The following CELF4 variants were observed in gnomAD, a reference collection of about 807,000 sequenced individuals.
CELF4 encodes the protein CUGBP Elav-like family member 4.
In CELF4, 18 loss-of-function variants were observed where a neutral mutation model predicts 59.9. That is an observed-to-expected ratio of 0.30 (90% confidence interval 0.21 to 0.45). The LOEUF (loss-of-function observed/expected upper bound fraction) is 0.45. CELF4 is among the 20% of genes least tolerant of loss of function. The pLI is 1.00. For synonymous variants in CELF4, 261 were observed against 267.1 expected (o/e 0.98, Z 0.22); for missense variants, 456 against 689.0 (o/e 0.66, Z 3.79).
chr18:37,388,284 G>C (rs891944534), intron 2 of CELF4, among the ~76,000 whole-genome samples: 2 of 152,118 alleles, frequency 1.3e-5, no homozygotes, highest in Admixed American at 1.3e-4. Context: ...GATGGGGTAG[G>C]GAATACTGTC....
chr18:37,546,269 A>G, intron 1 of CELF4, among the ~76,000 whole-genome samples: 1 of 152,148 alleles, frequency 6.6e-6, no homozygotes, highest in Non-Finnish European at 1.5e-5. Context: ...ACACGTCCGC[A>G]CATCTCCTCA....
At chr18:37,308,879 T>G (rs4799443) in intron 3 of CELF4, among the ~76,000 whole-genome samples, 68,971 of 151,996 alleles carry the variant, frequency 0.45, 15,872 homozygotes, top group South Asian at 0.57. Context: ...TGGGCATACA[T>G]GGAGTTTCTC....
At chr18:37,444,854 T>C (rs2154601341) in intron 2 of CELF4, among the ~76,000 whole-genome samples, 1 of 152,140 alleles carries the variant, frequency 6.6e-6, no homozygotes, top group Middle Eastern at 3.4e-3. Flanking sequence ...CTAGGTATGG[T>C]CACCAAAAGA....
intron 2 of CELF4, among the ~76,000 whole-genome samples, chr18:37,469,169 T>C (rs545288162): frequency 1.3e-5 from 2 of 152,104 alleles, no homozygotes; most frequent in East Asian, 1.9e-4. Context: ...ATTGGCTCCT[T>C]TGGAGTCTGG....
rs189225336 is a variant in CELF4, at chr18:37,382,575, T to G, written c.370-60694A>C. Among the ~76,000 whole-genome samples, 612 of 152,302 alleles carry G rather than the reference T, an allele frequency of 4.0e-3. 5 individuals are homozygous for G. The highest frequency in any genetic ancestry group is 0.014 in the African/African-American group (580 of 41,560). ...CTTTCACCAGGCAAAGGTGGTGAAT[T>G]CACACATGGGTGCATGTGTACACAC... On this transcript the variant is annotated intron_variant, in intron 2 of 12. Transcript: ENST00000420428.
intron 12 of CELF4, among the ~76,000 whole-genome samples, chr18:37,251,399 C>A (rs911324201): frequency 6.6e-6 from 1 of 152,178 alleles, no homozygotes; most frequent in African/African-American, 2.4e-5. Flanking sequence ...ATATCCCAAA[C>A]AATAAACCTG....
At chr18:37,376,457 G>A (rs2098970470) in intron 2 of CELF4, among the ~76,000 whole-genome samples, 1 of 152,188 alleles carries the variant, frequency 6.6e-6, no homozygotes, top group African/African-American at 2.4e-5. Context: ...CCCACCTCTT[G>A]CTTTCTTCTG....
chr18:37,307,063 G>A (rs1010309190), intron 3 of CELF4, among the ~76,000 whole-genome samples: 1 of 150,284 alleles, frequency 6.7e-6, no homozygotes, highest in African/African-American at 2.4e-5. Context: ...GACAGAGGGG[G>A]CCACCAAGTC....
intron 2 of CELF4, among the ~76,000 whole-genome samples, chr18:37,463,247 T>G (rs1173632274): frequency 1.3e-5 from 2 of 152,156 alleles, no homozygotes; most frequent in Non-Finnish European, 2.9e-5. Context: ...GAGCTTTGTG[T>G]GACTGAGCCT....
intron 2 of CELF4, among the ~76,000 whole-genome samples, chr18:37,367,695 CTTT>C: frequency 6.9e-6 from 1 of 144,736 alleles, no homozygotes; most frequent in African/African-American, 2.5e-5. Flanking sequence ...TCTTTTCTTT[CTTT>C]TTTTTTTTTC....
chr18:37,288,024 ACT>A, intron 3 of CELF4, among the ~76,000 whole-genome samples: 1 of 152,194 alleles, frequency 6.6e-6, no homozygotes, highest in Non-Finnish European at 1.5e-5. Context: ...TGGGGTGCTG[ACT>A]CTCAAAATAA....
At chr18:37,523,503 G>T (rs561256818) in intron 1 of CELF4, among the ~76,000 whole-genome samples, 1 of 152,174 alleles carries the variant, frequency 6.6e-6, no homozygotes, top group Non-Finnish European at 1.5e-5. Context: ...TGGTGACCCC[G>T]GCTGGGGAGA....
At chr18:37,263,386 C>T (rs969255144) in intron 10 of CELF4, among the ~76,000 whole-genome samples, 2 of 152,104 alleles carry the variant, frequency 1.3e-5, no homozygotes, top group African/African-American at 4.8e-5. Context: ...TAACCTACAT[C>T]GGAGGGCTCC....
intron 2 of CELF4, among the ~76,000 whole-genome samples, chr18:37,455,440 T>C (rs1298722204): frequency 1.3e-5 from 2 of 152,236 alleles, no homozygotes; most frequent in Non-Finnish European, 2.9e-5. Flanking sequence ...AGGGTGTCAC[T>C]GTACCCTTGT....
At chr18:37,444,133 G>A (rs777456992) in intron 2 of CELF4, among the ~76,000 whole-genome samples, 2 of 152,122 alleles carry the variant, frequency 1.3e-5, no homozygotes, top group Admixed American at 6.5e-5. Flanking sequence ...CAAAATGCTC[G>A]ATCAGAACCT....
At chr18:37,474,503 G>A (rs1371586958) in intron 2 of CELF4, among the ~76,000 whole-genome samples, 1 of 152,242 alleles carries the variant, frequency 6.6e-6, no homozygotes, top group South Asian at 2.1e-4. Flanking sequence ...CACAGGGTTA[G>A]TGCCCTAGGA....
At chr18:37,344,732 G>A (rs2098186783) in intron 2 of CELF4, among the ~76,000 whole-genome samples, 2 of 152,180 alleles carry the variant, frequency 1.3e-5, no homozygotes, top group Non-Finnish European at 2.9e-5. Context: ...GTTTTCAGAG[G>A]CATGCAGACG....
At chr18:37,390,568 G>A (rs1337706768) in intron 2 of CELF4, among the ~76,000 whole-genome samples, 1 of 152,106 alleles carries the variant, frequency 6.6e-6, no homozygotes, top group African/African-American at 2.4e-5. Flanking sequence ...CCTGTCATGT[G>A]CTAGGGTGGA....
intron 6 of CELF4, chr18:37,273,461 C>T: frequency 9.1e-7 from 1 of 1,104,022 alleles, no homozygotes; most frequent in Non-Finnish European, 1.1e-6. Flanking sequence ...GCCCTGTGTA[C>T]AGCCTGTCAT....
Sources: allele counts gnomAD v4.1 joint callset (sites outside exome capture counted in the v4.1 genomes callset), GRCh38; gene constraint gnomAD v4.1.1; transcripts MANE v1.5; gene names NCBI Gene and HGNC (gene_info 2026-07-23, HGNC 2026-07-21).